Variants in ZNF408 observed in about 807,000 individuals in gnomAD.
ZNF408 encodes the protein zinc finger protein 408.
A neutral mutation model predicts 27.6 loss-of-function variants in ZNF408; 24 were observed. That is an observed-to-expected ratio of 0.87 (90% CI 0.63 to 1.22). The LOEUF (loss-of-function observed/expected upper bound fraction) is 1.22. Ranked by LOEUF, ZNF408 falls within the 50% of genes most tolerant of loss-of-function variation. The pLI is 0.00. For synonymous variants in ZNF408, 410 were observed against 396.1 expected (o/e 1.04, Z -0.42); for missense variants, 897 against 949.0 (o/e 0.95, Z 0.72).
rs548403906 is a variant in ZNF408 at position 46,705,163 on chromosome 11, G to T, written c.1463G>T (p.Arg488Met). 1 of 1,611,412 alleles carries T rather than the reference G, an allele frequency of 6.2e-7. No individual in the cohort carries two copies. Among genetic ancestry groups the T allele is most frequent in the African/African-American group, 1.3e-5 (1 of 75,074 alleles). Residue 488 changes from arginine (R) to methionine (M), a missense_variant, in exon 5 of 5, where the codon AGG becomes ATG. By Grantham distance (91) the Arg-to-Met change is moderately conservative. Coordinates refer to ENST00000311764, the MANE Select transcript of ZNF408 (RefSeq NM_024741.3). The surrounding 1 kb of genome is among the most constrained non-coding windows in gnomAD (Gnocchi z 6.5). ...CAGGGCTCCCTGCGGAACCATATGA[G>T]GCTCCATACAGGAGAAAAGCCTTTC... ...ANQGSLRNHMRLHTGEKPFLC... is the reference protein window; with the variant it reads ...ANQGSLRNHMMLHTGEKPFLC...
chr11:46,701,274 C>G (rs2064702195), intron 1 of ZNF408, 125 bp from the exon 2 acceptor site: 1 of 1,554,486 alleles, frequency 6.4e-7, no homozygotes, highest in African/African-American at 1.4e-5. Flanking sequence ...TCAGGGCCCT[C>G]CTTAGAGCCC....
At chr11:46,702,831 G>A in intron 3 of ZNF408, 66 bp downstream of exon 3, 2 of 1,605,130 alleles carry the variant, frequency 1.2e-6, no homozygotes, top group Non-Finnish European at 1.7e-6. Context: ...GGAACCCGGT[G>A]CTGACTGTCA....
chr11:46,702,848 A>G, intron 3 of ZNF408, 83 bp downstream of exon 3: 1 of 1,599,750 alleles, frequency 6.3e-7, no homozygotes, highest in Admixed American at 1.7e-5. Flanking sequence ...GTCATTTCCT[A>G]TTCAGTGCTC....
chr11:46,703,897 T>A (rs934751427), intron 4 of ZNF408, among the ~76,000 whole-genome samples: 13 of 151,084 alleles, frequency 8.6e-5, no homozygotes, highest in South Asian at 8.5e-4. Flanking sequence ...CCTCAGCTAA[T>A]TTTTTTGCAT....
At position 46,705,087 on chromosome 11, in the gene ZNF408, G is replaced by GCTGCCC; in HGVS notation, c.1396_1401dup (p.Ala466_Pro467dup). 1.2e-6 allele frequency: 2 copies of GCTGCCC among 1,612,428 alleles called. No individual in the cohort carries two copies. Among genetic ancestry groups the GCTGCCC allele is most frequent in the Non-Finnish European group, 1.7e-6 (2 of 1,179,950 alleles). ...GCATCGCAAGACCCACCAGGTGCCA[G>GCTGCCC]CTGCCCCTGCCCCTTGCCCATGCCC... On this transcript the variant is annotated inframe_insertion, in exon 5 of 5. Transcript: ENST00000311764. This position sits in a 1 kb window ranked among gnomAD's most constrained non-coding sequence, Gnocchi z 6.5.
chr11:46,702,087 T>C (rs1313916644), intron 2 of ZNF408, among the ~76,000 whole-genome samples: 1 of 152,188 alleles, frequency 6.6e-6, no homozygotes, highest in African/African-American at 2.4e-5. Context: ...ATAAGTACCA[T>C]TTTATTTTAT....
At chr11:46,702,515 A>G (rs1409801042) in intron 2 of ZNF408, among the ~76,000 whole-genome samples, 189 bp from the exon 3 acceptor site, 1 of 152,206 alleles carries the variant, frequency 6.6e-6, no homozygotes, top group Non-Finnish European at 1.5e-5. Context: ...AGGTGAGGAG[A>G]CAGACTTTTT....
rs1373249091 is a variant in ZNF408 at position 46,705,207 on chromosome 11, C to T, written c.1507C>T (p.Arg503Trp). 8 of 1,611,704 alleles carry T rather than the reference C, an allele frequency of 5.0e-6. No individual in the cohort carries two copies. The highest frequency in any genetic ancestry group is 1.3e-5 in the African/African-American group (1 of 74,936). ...GCCTTTCCTGTGCCCGCACTGTGGC[C>T]GGGCGTTTCGTCAGCGGGGCAACCT... is the stretch of plus-strand genomic sequence containing the variant. ...EKPFLCPHCG[R>W]AFRQRGNLRG... is the part of the protein sequence containing the mutation. The change falls in exon 5 of 5, where the codon CGG (arginine) becomes TGG (tryptophan). Residue 503 changes from arginine (R) to tryptophan (W), a missense_variant. Coordinates refer to ENST00000311764, the MANE Select transcript of ZNF408 (RefSeq NM_024741.3). The surrounding 1 kb of genome is among the most constrained non-coding windows in gnomAD (Gnocchi z 6.5).
At chr11:46,701,781 T>G (rs779143368) in intron 2 of ZNF408, 105 bp downstream of exon 2, 6 of 1,336,814 alleles carry the variant, frequency 4.5e-6, no homozygotes, top group Non-Finnish European at 6.0e-6. Context: ...TTTCAAGAGA[T>G]AGGAGATAGT....
chr11:46,701,065 G>A lies in ZNF408; in HGVS notation c.18G>A (p.Glu6=). The part of the protein sequence containing the change: MEEAE[E]LLLEGKKALQ... ...GACCCGGAATGGAGGAGGCGGAGGA[G>A]CTGCTCTTGGAGGGGAAGAAGGCGC... The change falls in exon 1 of 5, where the codon GAG becomes GAA. Residue 6 remains glutamate (E), a synonymous_variant. Transcript: ENST00000311764. 6.2e-7 allele frequency: 1 copy of A among 1,614,180 alleles called. No homozygotes were observed. Among genetic ancestry groups the A allele is most frequent in the Non-Finnish European group, 8.5e-7 (1 of 1,180,030 alleles).
chr11:46,704,919 C>G lies in ZNF408; in HGVS notation c.1219C>G (p.Arg407Gly). ...CCATATGCTGGGCCACCGTGGGGTG[C>G]GGCCCTTCCCCTGTCCACAATGCGA... ...KAHMLGHRGV[R>G]PFPCPQCDKA... Residue 407 changes from arginine (R) to glycine (G), a missense_variant, in exon 5 of 5, where the codon CGG (arginine) becomes GGG (glycine). By Grantham distance (125) the Arg-to-Gly change is moderately radical. Transcript: ENST00000311764. The G allele has an allele frequency of 6.2e-7, 1 of 1,613,196 alleles. No individual in the cohort carries two copies. Among genetic ancestry groups the G allele is most frequent in the Non-Finnish European group, 8.5e-7 (1 of 1,179,846 alleles).
chr11:46,702,708 T>C lies in ZNF408; in HGVS notation c.335T>C (p.Leu112Pro). The change falls in exon 3 of 5, where the codon CTG (leucine) becomes CCG (proline). Residue 112 changes from leucine (L) to proline (P), a missense_variant. Transcript: ENST00000311764. Reference protein sequence around the residue: ...EGVKPRQEENLSLGPWGDVCA... With the variant: ...EGVKPRQEENPSLGPWGDVCA... ...ACTTTTGTTGGTTTATTTCAGAACCTGTCATTAGGCCCATGGGGAGACGTG... is the reference window on the plus strand; with the variant it reads ...ACTTTTGTTGGTTTATTTCAGAACCCGTCATTAGGCCCATGGGGAGACGTG... The C allele has an allele frequency of 7.4e-6, 12 of 1,614,008 alleles. No homozygotes were observed. Among genetic ancestry groups the C allele is most frequent in the Non-Finnish European group, 1.0e-5 (12 of 1,179,834 alleles).
In ZNF408 at chr11:46,704,672, G is replaced by A; in HGVS notation, c.972G>A (p.Glu324=). 1 of 1,613,406 alleles carries A rather than the reference G, an allele frequency of 6.2e-7. No homozygotes were observed. Among genetic ancestry groups the A allele is most frequent in the Non-Finnish European group, 8.5e-7 (1 of 1,179,822 alleles). Residue 324 remains glutamate, a synonymous_variant, in exon 5 of 5, where the codon GAG becomes GAA. Coordinates refer to ENST00000311764, the MANE Select transcript of ZNF408 (RefSeq NM_024741.3). The part of the protein sequence containing the change: ...DQCPPRAKTP[E]PGAQQSGFPT... ...GCCCACCCAGAGCAAAGACCCCAGA[G>A]CCTGGAGCCCAGCAGTCTGGCTTCC...
In ZNF408 at chr11:46,701,499, C is replaced by T. The variant is rs745737835; in HGVS notation, c.153C>T (p.Ile51=). The T allele has an allele frequency of 1.9e-6, 3 of 1,613,996 alleles. No individual in the cohort carries two copies. The highest frequency in any genetic ancestry group is 2.5e-6 in the Non-Finnish European group (3 of 1,180,046). Residue 51 remains isoleucine (I), a synonymous_variant, in exon 2 of 5, where the codon ATC becomes ATT. Transcript: ENST00000311764. ...KDVPPEPTRD[I]LALKSLPRGL... ...TCCCACCCGAGCCGACCCGAGACATCCTCGCTTTAAAGAGCCTTCCCCGGG... is the reference window on the plus strand; with the variant it reads ...TCCCACCCGAGCCGACCCGAGACATTCTCGCTTTAAAGAGCCTTCCCCGGG...
Position 46,701,541 on chromosome 11 carries a change from C to G in ZNF408, c.195C>G (p.Pro65=). The G allele has an allele frequency of 6.2e-7, 1 of 1,613,742 alleles. No individual in the cohort carries two copies. Among genetic ancestry groups the G allele is most frequent in the East Asian group, 2.2e-5 (1 of 44,868 alleles). ...KSLPRGLALG[P]SLAKEQRLGV... ...TTCCCCGGGGCTTGGCCCTTGGCCCCTCACTCGCCAAGGAACAGCGCTTGG... is the reference window on the plus strand; with the variant it reads ...TTCCCCGGGGCTTGGCCCTTGGCCCGTCACTCGCCAAGGAACAGCGCTTGG... The change falls in exon 2 of 5, where the codon CCC becomes CCG. Residue 65 remains proline, a synonymous_variant. Coordinates refer to ENST00000311764, the MANE Select transcript of ZNF408 (RefSeq NM_024741.3).
At chr11:46,702,815 T>C in intron 3 of ZNF408, 50 bp downstream of exon 3, 1 of 1,610,468 alleles carries the variant, frequency 6.2e-7, no homozygotes, top group Non-Finnish European at 8.5e-7. Context: ...TGTTGTGGTT[T>C]GGGATGGAAC....
rs1247855210 is a variant in ZNF408 at position 46,704,703 on chromosome 11, C to A, written c.1003C>A (p.Leu335Ile). The A allele has an allele frequency of 6.2e-7, 1 of 1,610,148 alleles. No individual in the cohort carries two copies. Among genetic ancestry groups the A allele is most frequent in the Admixed American group, 1.7e-5 (1 of 59,516 alleles). The change falls in exon 5 of 5, where the codon CTC becomes ATC. Residue 335 changes from leucine to isoleucine, a missense_variant. Coordinates refer to ENST00000311764, the MANE Select transcript of ZNF408 (RefSeq NM_024741.3). ...AGCCCAGCAGTCTGGCTTCCCTACA[C>A]TCTCGCGGAGCCCTCCTGGCCCAGC... ...PGAQQSGFPT[L>I]SRSPPGPAGS...
intron 2 of ZNF408, among the ~76,000 whole-genome samples, chr11:46,702,314 C>T (rs1366377230): frequency 6.6e-6 from 1 of 152,180 alleles, no homozygotes; most frequent in Non-Finnish European, 1.5e-5. Flanking sequence ...AGGCTGGTCT[C>T]AAACTCCTGG....
Position 46,702,692 on chromosome 11 carries a change from G to T in ZNF408, c.331-12G>T, listed in dbSNP as rs199749092. On this transcript the variant is annotated splice_polypyrimidine_tract_variant and intron_variant, in intron 2 of 4. Coordinates refer to ENST00000311764, the MANE Select transcript of ZNF408 (RefSeq NM_024741.3). ...AACACATTTGAGAAGGACTTTTGTT[G>T]GTTTATTTCAGAACCTGTCATTAGG... 1.1e-5 allele frequency: 17 copies of T among 1,612,972 alleles called. No individual in the cohort carries two copies. The highest frequency in any genetic ancestry group is 1.4e-5 in the Non-Finnish European group (17 of 1,179,180).
Sources: gnomAD v4.1 joint callset for allele counts (sites outside exome capture counted in the v4.1 genomes callset) on GRCh38, gnomAD v4.1.1 for gene constraint, Gnocchi (gnomAD v3.1) non-coding constraint, MANE v1.5 for transcripts, NCBI Gene and HGNC (gene_info 2026-07-23, HGNC 2026-07-21) for gene names.